Variants in RBFOX2 observed in about 807,000 individuals in gnomAD.
RBFOX2 encodes the protein RNA binding protein fox-1 homolog 2.
RBFOX2 carries 10 observed loss-of-function variants against 49.1 expected under a neutral mutation model. The observed-to-expected ratio is 0.20, with a 90% CI of 0.13 to 0.35. The LOEUF (loss-of-function observed/expected upper bound fraction) is 0.35. Ranked by LOEUF, RBFOX2 falls within the 10% of genes least tolerant of loss-of-function variation. The probability of loss-of-function intolerance (pLI) is 1.00; values close to 1 mark genes in which losing one functional copy is unlikely to be tolerated. For synonymous variants in RBFOX2, 183 were observed against 187.4 expected (o/e 0.98, Z 0.19); for missense variants, 323 against 486.9 (o/e 0.66, Z 3.17).
At chr22:35,753,110 C>T (rs1011475194) in intron 9 of RBFOX2, among the ~76,000 whole-genome samples, 3 of 152,218 alleles carry the variant, frequency 2.0e-5, no homozygotes, top group Non-Finnish European at 2.9e-5. Flanking sequence ...AATTTAAAAT[C>T]TTTTCCCTTG....
chr22:35,878,326 A>G (rs376812621), intron 1 of RBFOX2, among the ~76,000 whole-genome samples: 1 of 152,170 alleles, frequency 6.6e-6, no homozygotes, highest in Non-Finnish European at 1.5e-5. Flanking sequence ...TGAACCCAGG[A>G]GGCGATAGCT....
chr22:36,028,201 AC>A (rs1450060718), intron 1 of RBFOX2, 38 bp downstream of exon 1: 3 of 1,430,512 alleles, frequency 2.1e-6, no homozygotes, highest in Admixed American at 2.4e-5. Flanking sequence ...CCTCACGCCC[AC>A]CCCCGCAATA....
Position 35,961,657 on chromosome 22 carries a change from C to T in RBFOX2, c.-53G>A, listed in dbSNP as rs146518132. Reference sequence around the variant, plus strand: ...AACCCTGCTGCTCTCCCCTTGCACACAGCTACCATCTCCATGGTAACCTCA... The same window carrying T: ...AACCCTGCTGCTCTCCCCTTGCACATAGCTACCATCTCCATGGTAACCTCA... On this transcript the variant is annotated 5_prime_UTR_variant, in exon 1 of 6. Transcript: ENST00000408983. 16 of 1,304,050 alleles carry T rather than the reference C, an allele frequency of 1.2e-5. No homozygotes were observed. In the African/African-American group the frequency reaches 2.1e-4, roughly 17 times the overall value. The allele number at this position is 1,304,050 out of a possible 1,614,324, so 80.8% of individuals were successfully genotyped here.
chr22:35,930,161 C>T (rs2052207254), intron 1 of RBFOX2, among the ~76,000 whole-genome samples: 1 of 151,514 alleles, frequency 6.6e-6, no homozygotes, highest in African/African-American at 2.4e-5. Flanking sequence ...GCTGGGATTA[C>T]AGGCACCCGC....
At chr22:35,850,087 T>C (rs1001394462) in intron 1 of RBFOX2, among the ~76,000 whole-genome samples, 8 of 151,784 alleles carry the variant, frequency 5.3e-5, no homozygotes, top group East Asian at 1.9e-4. Flanking sequence ...ATACTCCCAA[T>C]CCAGGACACA....
exon 12 of RBFOX2, chr22:35,741,734 G>T (rs989090617): frequency 6.5e-6 from 1 of 152,746 alleles, no homozygotes; most frequent in African/African-American, 2.4e-5. Context: ...CAGCTGAACT[G>T]AGATGCACTC....
intron 1 of RBFOX2, among the ~76,000 whole-genome samples, chr22:35,954,508 C>G (rs1438948872): frequency 6.6e-6 from 1 of 152,196 alleles, no homozygotes; most frequent in African/African-American, 2.4e-5. Context: ...GCTGGTCCAG[C>G]TAAGAGCTAG....
At chr22:35,871,305 A>T (rs2044328118) in intron 1 of RBFOX2, among the ~76,000 whole-genome samples, 1 of 152,202 alleles carries the variant, frequency 6.6e-6, no homozygotes. Flanking sequence ...TGTGAAGGTG[A>T]GAGAAGGGAA....
intron 1 of RBFOX2, chr22:35,996,705 T>C (rs1431261248): frequency 6.6e-6 from 1 of 150,914 alleles, no homozygotes; most frequent in African/African-American, 2.4e-5. Flanking sequence ...GAAAAAAAAG[T>C]CACCAGGAAA....
At chr22:35,968,059 T>A (rs1029218376) in intron 1 of RBFOX2, among the ~76,000 whole-genome samples, 7 of 152,192 alleles carry the variant, frequency 4.6e-5, no homozygotes, top group Non-Finnish European at 7.3e-5. Context: ...GTTTTCCAAT[T>A]TTCTTGTCCA....
chr22:35,825,657 G>T (rs1955506724), intron 1 of RBFOX2, among the ~76,000 whole-genome samples: 1 of 152,124 alleles, frequency 6.6e-6, no homozygotes, highest in Non-Finnish European at 1.5e-5. Context: ...TGAAAATAAG[G>T]ATCATTACCT....
At chr22:35,898,419 CTTTTTT>C (rs749708583) in intron 1 of RBFOX2, 39 of 277,912 alleles carry the variant, frequency 1.4e-4, no homozygotes, top group Middle Eastern at 1.1e-3. Flanking sequence ...TCCCACAATC[CTTTTTT>C]TTTTTTTTTT....
rs983710795 is a variant in RBFOX2, at chr22:35,870,286, ATCATGAG to A, written c.-33-60289_-33-60283del. 3.3e-5 allele frequency among the ~76,000 whole-genome samples: 5 copies of A among 152,260 alleles called. 1 individual carries two copies. Among genetic ancestry groups the A allele is most frequent in the African/African-American group, 1.2e-4 (5 of 41,558 alleles). ...CACTTTGGGAGGCTGAGGCAGGCAG[ATCATGAG>A]GTCAGGAGTTTGAGACCAGCCTGGC... On this transcript the variant is annotated intron_variant, in intron 1 of 13. Coordinates refer to the RBFOX2 transcript ENST00000359369.
chr22:35,886,654 T>A (rs1241461026), intron 1 of RBFOX2, among the ~76,000 whole-genome samples: 1 of 152,244 alleles, frequency 6.6e-6, no homozygotes, highest in Non-Finnish European at 1.5e-5. Context: ...ATGGTATTTA[T>A]GTACCTAAAC....
At chr22:35,954,392 A>G (rs2055312860) in intron 1 of RBFOX2, among the ~76,000 whole-genome samples, 1 of 152,206 alleles carries the variant, frequency 6.6e-6, no homozygotes, top group African/African-American at 2.4e-5. Flanking sequence ...GTTTTTGCAA[A>G]TACTCCTCAG....
At chr22:35,828,314 C>T (rs1025610639) in intron 1 of RBFOX2, among the ~76,000 whole-genome samples, 2 of 152,130 alleles carry the variant, frequency 1.3e-5, no homozygotes, top group Non-Finnish European at 2.9e-5. Context: ...TTGAGCTTTA[C>T]AACTGCCCCA....
At chr22:36,025,418 A>G (rs537131345) in intron 1 of RBFOX2, among the ~76,000 whole-genome samples, 1 of 151,822 alleles carries the variant, frequency 6.6e-6, no homozygotes, top group Non-Finnish European at 1.5e-5. Context: ...TTTTCTTTTT[A>G]GCCCTTATCA....
chr22:35,928,635 T>C (rs1043699388), intron 1 of RBFOX2, among the ~76,000 whole-genome samples: 2 of 152,244 alleles, frequency 1.3e-5, no homozygotes, highest in Admixed American at 6.5e-5. Context: ...TTTCTTTTAT[T>C]GGAGAAGGAC....
chr22:35,772,230 A>T (rs1305640870), intron 4 of RBFOX2, among the ~76,000 whole-genome samples: 1 of 152,194 alleles, frequency 6.6e-6, no homozygotes, highest in East Asian at 1.9e-4. Context: ...TTTAATTTTT[A>T]ATTAAAAAAT....
Sources: gnomAD v4.1 joint callset for allele counts (sites outside exome capture counted in the v4.1 genomes callset) on GRCh38, gnomAD v4.1.1 for gene constraint, MANE v1.5 for transcripts, NCBI Gene and HGNC (gene_info 2026-07-23, HGNC 2026-07-21) for gene names.